Variants in CNNM2 observed in about 807,000 individuals in gnomAD.
The protein encoded by CNNM2 is metal transporter CNNM2.
Under a neutral mutation model 66.9 loss-of-function variants are expected in CNNM2, and 12 were observed. The observed-to-expected ratio is 0.18, with a 90% CI of 0.11 to 0.29. The LOEUF (loss-of-function observed/expected upper bound fraction) is 0.29. CNNM2 is among the 10% of genes least tolerant of loss of function. The pLI is 1.00. For missense variants in CNNM2, 705 were observed against 1,167.7 expected (o/e 0.60, Z 5.77); for synonymous variants, 557 against 501.8 (o/e 1.11, Z -1.47).
At chr10:103,027,331 A>G (rs1045185072) in intron 1 of CNNM2, 2 of 152,206 alleles carry the variant, frequency 1.3e-5, no homozygotes, top group Non-Finnish European at 2.9e-5. Flanking sequence ...AGCTTAACCA[A>G]TCCCAGGAAC....
intron 6 of CNNM2, among the ~76,000 whole-genome samples, chr10:103,072,808 T>TG (rs1564871531): frequency 6.6e-6 from 1 of 152,210 alleles, no homozygotes; most frequent in South Asian, 2.1e-4. Flanking sequence ...TGACCTGAAC[T>TG]GGGGGTCAGC....
At chr10:102,944,979 G>GTTTTTTGTT (rs1554890617) in intron 1 of CNNM2, among the ~76,000 whole-genome samples, 3 of 140,676 alleles carry the variant, frequency 2.1e-5, no homozygotes, top group East Asian at 2.1e-4. Flanking sequence ...TTTGTTTTTT[G>GTTTTTTGTT]TTTTTTTTTT....
At chr10:103,011,410 G>GC (rs1333328034) in intron 1 of CNNM2, among the ~76,000 whole-genome samples, 1 of 152,012 alleles carries the variant, frequency 6.6e-6, no homozygotes, top group Non-Finnish European at 1.5e-5. Flanking sequence ...CTGAGATTGT[G>GC]CCACTGCATT....
intron 3 of CNNM2, among the ~76,000 whole-genome samples, chr10:103,055,187 A>G (rs1003575511): frequency 6.6e-6 from 1 of 152,184 alleles, no homozygotes; most frequent in East Asian, 1.9e-4. Context: ...GATGCTCTCC[A>G]GGGTTGAGCT....
At chr10:103,045,318 T>C (rs1361036854) in intron 1 of CNNM2, among the ~76,000 whole-genome samples, 3 of 152,108 alleles carry the variant, frequency 2.0e-5, no homozygotes, top group Non-Finnish European at 2.9e-5. Context: ...GGGATGAAGA[T>C]TGTAGGATGC....
At chr10:103,022,981 C>G (rs546587854) in intron 1 of CNNM2, among the ~76,000 whole-genome samples, 39 of 152,228 alleles carry the variant, frequency 2.6e-4, no homozygotes, top group African/African-American at 8.9e-4. Context: ...CAGTTCACTG[C>G]AGCATTGACC....
rs146777665 is a variant in CNNM2 at position 102,939,283 on chromosome 10, A to G, written c.1621+19182A>G. Among the ~76,000 whole-genome samples, 65 of 152,342 alleles carry G rather than the reference A, an allele frequency of 4.3e-4. 1 individual carries two copies. The highest frequency in any genetic ancestry group is 1.5e-3 in the African/African-American group (62 of 41,588). On this transcript the variant is annotated intron_variant, in intron 1 of 7. Coordinates refer to ENST00000369878, the MANE Select transcript of CNNM2 (RefSeq NM_017649.5). Reference sequence around the variant, plus strand: ...GCAGAGTTCTATGTCTTAGGGGATCATTAGCTGTCTATTTTTCCTTTCTCT... The same window carrying G: ...GCAGAGTTCTATGTCTTAGGGGATCGTTAGCTGTCTATTTTTCCTTTCTCT...
chr10:102,991,041 C>G (rs1012940477), intron 1 of CNNM2, among the ~76,000 whole-genome samples: 7 of 152,122 alleles, frequency 4.6e-5, no homozygotes, highest in African/African-American at 1.7e-4. Context: ...GGCTGGAGTG[C>G]GGTGGTGCGA....
At chr10:102,962,449 A>G (rs2063396921) in intron 1 of CNNM2, among the ~76,000 whole-genome samples, 2 of 152,308 alleles carry the variant, frequency 1.3e-5, no homozygotes, top group South Asian at 2.1e-4. Flanking sequence ...TTTGTTTGGG[A>G]TTCTTGTGAT....
chr10:103,087,364 T>C lies in CNNM2; in HGVS notation c.*10184T>C, dbSNP rs1338851605. The C allele has an allele frequency of 6.6e-6, 1 of 151,944 alleles. No individual in the cohort carries two copies. The highest frequency in any genetic ancestry group is 6.6e-5 in the Admixed American group (1 of 15,254). The allele number at this position is 151,944 out of a possible 1,614,324, so 9.4% of individuals were successfully genotyped here. On this transcript the variant is annotated 3_prime_UTR_variant, in exon 8 of 8. Coordinates refer to ENST00000369878, the MANE Select transcript of CNNM2 (RefSeq NM_017649.5). ...TCTGGGTCTTATGGAATCCTAGAGC[T>C]CTTGAATACGTTTTGGTGGTCCTAC...
intron 1 of CNNM2, among the ~76,000 whole-genome samples, chr10:103,012,802 T>G (rs1241481053): frequency 6.6e-6 from 1 of 152,148 alleles, no homozygotes; most frequent in Non-Finnish European, 1.5e-5. Context: ...TGAAATATGG[T>G]TAAGTACTGA....
At chr10:103,001,547 A>G (rs888074223) in intron 1 of CNNM2, among the ~76,000 whole-genome samples, 34 of 152,172 alleles carry the variant, frequency 2.2e-4, no homozygotes, top group Middle Eastern at 3.2e-3. Context: ...GAAAGAAAAG[A>G]GCTTATCTAT....
intron 1 of CNNM2, among the ~76,000 whole-genome samples, chr10:103,026,397 T>G (rs992338957): frequency 7.9e-5 from 12 of 152,016 alleles, no homozygotes; most frequent in Non-Finnish European, 1.5e-4. Context: ...CTCAGGAGTT[T>G]GAGACCAGTC....
At chr10:102,952,788 C>T (rs145642762) in intron 1 of CNNM2, among the ~76,000 whole-genome samples, 3 of 152,196 alleles carry the variant, frequency 2.0e-5, no homozygotes, top group South Asian at 2.1e-4. Context: ...GGATGTGTTA[C>T]GTAGGTCTCT....
chr10:103,060,092 G>A (rs2065358850), intron 4 of CNNM2, among the ~76,000 whole-genome samples: 1 of 152,118 alleles, frequency 6.6e-6, no homozygotes, highest in African/African-American at 2.4e-5. Flanking sequence ...AGCTGTGATT[G>A]TGCCACTGTA....
At chr10:102,952,646 T>C (rs1846883858) in intron 1 of CNNM2, among the ~76,000 whole-genome samples, 1 of 146,586 alleles carries the variant, frequency 6.8e-6, no homozygotes, top group South Asian at 2.2e-4. Context: ...AAAAGTTAAA[T>C]GGATACCCTT....
intron 1 of CNNM2, among the ~76,000 whole-genome samples, chr10:103,033,269 A>T (rs2064864592): frequency 6.6e-6 from 1 of 150,808 alleles, no homozygotes; most frequent in Non-Finnish European, 1.5e-5. Context: ...GCTCACTGCA[A>T]CCTCCGCCTC....
chr10:103,054,584 ACTTTTGT>A lies in CNNM2; in HGVS notation c.1903+119_1903+125del, dbSNP rs2065266832. The A allele has an allele frequency of 4.7e-6, 5 of 1,058,860 alleles. No individual in the cohort carries two copies. The highest frequency in any genetic ancestry group is 3.4e-5 in the South Asian group (2 of 59,228). 65.6% of individuals were successfully genotyped at this position (1,058,860 alleles called of 1,614,324 possible). ...GGGAAATGGGGTGATAAGTAATGCC[ACTTTTGT>A]GTTTTGTTTTTTTTGTTTTTTTGTT... On this transcript the variant is annotated intron_variant, in intron 3 of 7. Coordinates refer to ENST00000369878, the MANE Select transcript of CNNM2 (RefSeq NM_017649.5). This position sits in a 1 kb window ranked among gnomAD's most constrained non-coding sequence, Gnocchi z 5.2.
intron 1 of CNNM2, among the ~76,000 whole-genome samples, chr10:102,925,584 T>G (rs1845833117): frequency 6.6e-6 from 1 of 152,192 alleles, no homozygotes; most frequent in African/African-American, 2.4e-5. Context: ...AGATCCCATG[T>G]CCCTGACTTC....
Sources: gnomAD v4.1 joint callset for allele counts (sites outside exome capture counted in the v4.1 genomes callset) on GRCh38, gnomAD v4.1.1 for gene constraint, Gnocchi (gnomAD v3.1) non-coding constraint, MANE v1.5 for transcripts, NCBI Gene and HGNC (gene_info 2026-07-23, HGNC 2026-07-21) for gene names.